DZANK1: variants seen among roughly 807,000 people sequenced by gnomAD.
DZANK1 encodes double zinc ribbon and ankyrin repeat-containing protein 1.
In DZANK1, 91 loss-of-function variants were observed where a neutral mutation model predicts 94.5. The ratio of observed to expected loss-of-function variants is 0.96; its 90% CI spans 0.81 to 1.15. DZANK1 has a LOEUF of 1.15. Ranked by LOEUF, DZANK1 falls within the 50% of genes most tolerant of loss-of-function variation. The probability of loss-of-function intolerance (pLI) is 0.00; values close to 1 mark genes in which losing one functional copy is unlikely to be tolerated. For synonymous variants in DZANK1, 312 were observed against 325.3 expected (o/e 0.96, Z 0.44); for missense variants, 903 against 916.4 (o/e 0.99, Z 0.19).
At chr20:18,452,836 C>T in intron 5 of DZANK1, 97 bp from the exon 6 acceptor site, 2 of 1,217,574 alleles carry the variant, frequency 1.6e-6, no homozygotes, top group South Asian at 3.3e-5. Flanking sequence ...AATAAAGAAC[C>T]ACTGTCACCA....
chr20:18,452,794 T>C (rs1452582259), intron 5 of DZANK1, 55 bp from the exon 6 acceptor site: 4 of 1,486,978 alleles, frequency 2.7e-6, no homozygotes, highest in East Asian at 2.5e-5. Context: ...TACATAATCA[T>C]ACAAAGATAT....
chr20:18,449,042 G>A lies in DZANK1; in HGVS notation c.571C>T (p.Gln191Ter). 5 of 1,613,790 alleles carry A rather than the reference G, an allele frequency of 3.1e-6. No individual in the cohort carries two copies. The highest frequency in any genetic ancestry group is 4.2e-6 in the Non-Finnish European group (5 of 1,179,836). ...ATCTCCGTGCTTGTCAAACACTTCT[G>A]ACCGCTTACGTGTGCAAAACCGGGG... The change falls in exon 7 of 21, where the codon CAG becomes TAG. Residue 191 changes from glutamine (Q) to a stop codon, truncating the protein, a stop_gained. Transcript: ENST00000262547. LOFTEE classifies it high-confidence loss of function.
chr20:18,410,027 C>T (rs1260979283), intron 13 of DZANK1, among the ~76,000 whole-genome samples: 4 of 110,324 alleles, frequency 3.6e-5, no homozygotes, highest in African/African-American at 6.9e-5. Flanking sequence ...AGCGAGACTC[C>T]GTCTCAAAAA....
chr20:18,447,552 T>C (rs540314116), intron 7 of DZANK1, among the ~76,000 whole-genome samples: 1 of 152,102 alleles, frequency 6.6e-6, no homozygotes, highest in East Asian at 2.0e-4. Flanking sequence ...GGTCTTGAAC[T>C]CCTGACCTCA....
At chr20:18,458,732 G>A (rs2059372207) in intron 3 of DZANK1, among the ~76,000 whole-genome samples, 1 of 152,098 alleles carries the variant, frequency 6.6e-6, no homozygotes, top group South Asian at 2.1e-4. Flanking sequence ...AATCTTGGAT[G>A]GTCTTGATGC....
At chr20:18,435,702 G>A (rs2058492066) in intron 8 of DZANK1, among the ~76,000 whole-genome samples, 1 of 151,052 alleles carries the variant, frequency 6.6e-6, no homozygotes, top group Admixed American at 6.6e-5. Context: ...CATGGCACAT[G>A]TACACCTATG....
chr20:18,424,650 T>C (rs1371669113), intron 10 of DZANK1, among the ~76,000 whole-genome samples: 4 of 152,294 alleles, frequency 2.6e-5, no homozygotes, highest in Admixed American at 6.5e-5. Context: ...CAGTTTCATA[T>C]AGGGCAGTAT....
In DZANK1 at chr20:18,385,098, G is replaced by T. The variant is rs372814368; in HGVS notation, c.2019-8C>A. 3.9e-6 allele frequency: 6 copies of T among 1,552,048 alleles called. No homozygotes were observed. The South Asian group carries it at 5.9e-5, about 15-fold the overall frequency. The stretch of plus-strand genomic sequence containing the variant: ...AGAGCTGTATTTCTGAGCCTAATGA[G>T]GGGGGAAAAATCCTGGATAAATCCT... On this transcript the variant is annotated splice_polypyrimidine_tract_variant and splice_region_variant and intron_variant, in intron 19 of 20. Transcript: ENST00000262547.
chr20:18,390,342 A>T, intron 18 of DZANK1, 37 bp downstream of exon 18: 1 of 1,590,420 alleles, frequency 6.3e-7, no homozygotes, highest in Non-Finnish European at 8.6e-7. Flanking sequence ...GCCAGGCTGA[A>T]CTCTTCAGAG....
At chr20:18,438,399 G>A (rs2058613300) in intron 8 of DZANK1, among the ~76,000 whole-genome samples, 1 of 151,996 alleles carries the variant, frequency 6.6e-6, no homozygotes. Flanking sequence ...AGGTTATTCA[G>A]AATGGATAAA....
chr20:18,455,951 T>G (rs184031123), intron 3 of DZANK1, among the ~76,000 whole-genome samples: 1 of 152,298 alleles, frequency 6.6e-6, no homozygotes, highest in Non-Finnish European at 1.5e-5. Context: ...CAATACTTCT[T>G]GTGATCTCAG....
intron 10 of DZANK1, chr20:18,421,522 C>G (rs2057777515): frequency 1.3e-5 from 2 of 152,302 alleles, no homozygotes; most frequent in Non-Finnish European, 2.9e-5. Context: ...CCAACTATTT[C>G]CCCTCCATTG....
At position 18,433,254 on chromosome 20, in the gene DZANK1, C is replaced by G. The variant is rs1884860; in HGVS notation, c.861+398G>C. On this transcript the variant is annotated intron_variant, in intron 9 of 20. Transcript: ENST00000262547. ...TGTATATTAGCTTATCAATTGTTAC[C>G]CCATCCTGGCGGGCATGGTGGCTTA... 1,145 of 212,592 alleles carry G rather than the reference C, an allele frequency of 5.4e-3. 12 individuals carry two copies. The highest frequency in any genetic ancestry group is 0.038 in the South Asian group (506 of 13,314). 13.2% of individuals were successfully genotyped at this position (212,592 alleles called of 1,614,324 possible). A position where few individuals can be genotyped will look rare whatever the true frequency, so the allele number is the denominator to read the frequency against.
chr20:18,383,921 G>A (rs1267706709), exon 21 of DZANK1: 1 of 152,956 alleles, frequency 6.5e-6, no homozygotes, highest in Admixed American at 6.5e-5. Flanking sequence ...AGTATACTGG[G>A]AGCTGTCCAT....
intron 9 of DZANK1, among the ~76,000 whole-genome samples, chr20:18,428,038 C>A (rs1435098440): frequency 1.3e-5 from 2 of 151,242 alleles, no homozygotes; most frequent in Non-Finnish European, 2.9e-5. Flanking sequence ...GTAGTCCCAG[C>A]TGCTGGGGAG....
intron 13 of DZANK1, among the ~76,000 whole-genome samples, chr20:18,401,430 C>T (rs1042076962): frequency 6.6e-6 from 1 of 152,178 alleles, no homozygotes; most frequent in African/African-American, 2.4e-5. Flanking sequence ...AAACAAAACA[C>T]CCCAAAACTT....
chr20:18,409,583 C>CA (rs1555858807), intron 13 of DZANK1, among the ~76,000 whole-genome samples: 4,996 of 140,778 alleles, frequency 0.035, 110 homozygotes, highest in Non-Finnish European at 0.047. Context: ...CACACACACA[C>CA]CACCACCACC....
intron 10 of DZANK1, 124 bp from the exon 11 acceptor site, chr20:18,415,573 T>C (rs999669132): frequency 2.6e-6 from 3 of 1,144,224 alleles, no homozygotes; most frequent in Non-Finnish European, 3.4e-6. Context: ...TTTTTTGTTT[T>C]GTTTTGTTTT....
chr20:18,413,511 G>A (rs1051745025), intron 12 of DZANK1, among the ~76,000 whole-genome samples: 19 of 152,188 alleles, frequency 1.2e-4, no homozygotes, highest in African/African-American at 4.3e-4. Flanking sequence ...GCTGGGCATG[G>A]TGGCTCATGC....
Sources: gnomAD v4.1 joint callset for allele counts (sites outside exome capture counted in the v4.1 genomes callset) on GRCh38, gnomAD v4.1.1 for gene constraint, MANE v1.5 for transcripts, NCBI Gene and HGNC (gene_info 2026-07-23, HGNC 2026-07-21) for gene names.